Variants in HIP1R observed in about 807,000 individuals in gnomAD.
HIP1R encodes the protein huntingtin-interacting protein 1-related protein.
A neutral mutation model predicts 144.2 loss-of-function variants in HIP1R; 135 were observed. The ratio of observed to expected loss-of-function variants is 0.94; its 90% CI spans 0.81 to 1.08. The LOEUF (loss-of-function observed/expected upper bound fraction) is 1.08, where lower values mean the gene tolerates loss of function less well. HIP1R is among the 50% of genes least tolerant of loss of function. The pLI, the probability that HIP1R is intolerant of heterozygous loss-of-function variation, is 0.00. For missense variants in HIP1R, 1,462 were observed against 1,432.8 expected (o/e 1.02, Z -0.33); for synonymous variants, 698 against 612.8 (o/e 1.14, Z -2.05).
chr12:122,856,589 A>T lies in HIP1R; in HGVS notation c.1519-36A>T, dbSNP rs778204444. On this transcript the variant is annotated intron_variant, in intron 16 of 31. Coordinates refer to ENST00000253083, the MANE Select transcript of HIP1R (RefSeq NM_003959.3). ...CACAGGGCCCTGCCCCGGCATCCCC[A>T]GCCCACTGCCCCAGTGACACGCTGT... 1.9e-6 allele frequency: 3 copies of T among 1,598,592 alleles called. No individual in the cohort carries two copies. In the South Asian group the frequency reaches 3.4e-5, roughly 18 times the overall value.
chr12:122,850,991 C>A, intron 6 of HIP1R, 80 bp downstream of exon 6: 3 of 1,263,278 alleles, frequency 2.4e-6, no homozygotes, highest in Non-Finnish European at 3.4e-6. Flanking sequence ...GCCCAGGCGT[C>A]CGCATGGGGC....
Position 122,859,605 on chromosome 12 carries a change from TG to T in HIP1R, c.2406+72del, listed in dbSNP as rs1158287065. On this transcript the variant is annotated intron_variant, in intron 23 of 31. Coordinates refer to ENST00000253083, the MANE Select transcript of HIP1R (RefSeq NM_003959.3). ...TGGGGGCCGGAGGCCCCAACTGGGC[TG>T]GGTACAGGCTGCACCCACTCCTGCT... 7.7e-6 allele frequency: 11 copies of T among 1,421,794 alleles called. No homozygotes were observed. The East Asian group carries it at 2.3e-4, about 30-fold the overall frequency. 88.1% of individuals were successfully genotyped at this position (1,421,794 alleles called of 1,614,324 possible). A position where few individuals can be genotyped will look rare whatever the true frequency, so the allele number is the denominator to read the frequency against.
intron 1 of HIP1R, among the ~76,000 whole-genome samples, chr12:122,847,104 C>T (rs2033230500): frequency 1.3e-5 from 2 of 152,360 alleles, no homozygotes; most frequent in African/African-American, 4.8e-5. Context: ...CCCTCCCGCC[C>T]ATGGCCTGGA....
At chr12:122,834,793 GTCTC>G, upstream of HIP1R, 1 of 443,952 alleles carries the variant, frequency 2.3e-6, no homozygotes, top group Non-Finnish European at 3.9e-6. Context: ...AGCCGGCGGC[GTCTC>G]TGGAAATGCA....
chr12:122,841,201 C>T (rs970029253), intron 1 of HIP1R, among the ~76,000 whole-genome samples: 2 of 152,188 alleles, frequency 1.3e-5, no homozygotes, highest in African/African-American at 4.8e-5. Context: ...CACCCGCTGC[C>T]GTCCTCCTGC....
chr12:122,849,240 C>T (rs915063299), intron 4 of HIP1R, among the ~76,000 whole-genome samples: 4 of 152,268 alleles, frequency 2.6e-5, no homozygotes, highest in Non-Finnish European at 5.9e-5. Context: ...ACAGTAAGGC[C>T]TGAGAGCCCT....
Position 122,849,926 on chromosome 12 carries a change from C to A in HIP1R, c.409C>A (p.Leu137Met). The A allele has an allele frequency of 6.2e-7, 1 of 1,613,666 alleles. No homozygotes were observed. Among genetic ancestry groups the A allele is most frequent in the Non-Finnish European group, 8.5e-7 (1 of 1,179,920 alleles). Residue 137 changes from leucine to methionine, a missense_variant, in exon 5 of 32, where the codon CTG becomes ATG. Leu to Met is a conservative substitution (Grantham distance 15). Around this residue, in one of 2 missense-constraint regions of HIP1R, gnomAD observed 350 missense variants for 421.1 expected, o/e 0.83. Transcript: ENST00000253083. ...GCTGGTGAATGTCTACACCAAGCTG[C>A]TGCTGACCAAGATCTCCTTCCACCT... ...GQLVNVYTKL[L>M]LTKISFHLKH...
In HIP1R at chr12:122,840,784, G is replaced by C. The variant is rs1181242525; in HGVS notation, c.93+5141G>C. Among the ~76,000 whole-genome samples, 3 of 152,208 alleles carry C rather than the reference G, an allele frequency of 2.0e-5. No individual in the cohort carries two copies. The highest frequency in any genetic ancestry group is 2.9e-5 in the Non-Finnish European group (2 of 68,044). ...CTTCCCTGGAAGAGTGAGCCCAGAG[G>C]TGCCACATTATGAAGGCTCTCCAGG... On this transcript the variant is annotated intron_variant, in intron 1 of 31. Coordinates refer to ENST00000253083, the MANE Select transcript of HIP1R (RefSeq NM_003959.3). The surrounding 1 kb of genome is among the most constrained non-coding windows in gnomAD (Gnocchi z 4.2).
chr12:122,837,214 C>T (rs916401196), intron 1 of HIP1R, among the ~76,000 whole-genome samples: 13 of 151,954 alleles, frequency 8.6e-5, no homozygotes, highest in African/African-American at 3.1e-4. Flanking sequence ...TGATCTTACT[C>T]TTAAATGATA....
rs1042502608 is a variant in HIP1R, at chr12:122,862,022, G to A, written c.*269G>A. 1 of 467,002 alleles carries A rather than the reference G, an allele frequency of 2.1e-6. No individual in the cohort carries two copies. The allele number at this position is 467,002 out of a possible 1,614,324, so 28.9% of individuals were successfully genotyped here. On this transcript the variant is annotated 3_prime_UTR_variant, in exon 32 of 32. Transcript: ENST00000253083. Reference sequence around the variant, plus strand: ...GGTAGGCCTGAGCCTCAACTCTTCAGAAAATAGTGTTTTTAATATTCCTCT... The same window carrying A: ...GGTAGGCCTGAGCCTCAACTCTTCAAAAAATAGTGTTTTTAATATTCCTCT...
At chr12:122,847,311 G>A (rs75550241) in intron 1 of HIP1R, among the ~76,000 whole-genome samples, 1 of 151,606 alleles carries the variant, frequency 6.6e-6, no homozygotes, top group African/African-American at 2.4e-5. Flanking sequence ...GGCGGGGGGG[G>A]AGGGGTGAGA....
In HIP1R at chr12:122,848,888, G is replaced by A. The variant is rs2033291887; in HGVS notation, c.357+36G>A. On this transcript the variant is annotated intron_variant, in intron 4 of 31. Coordinates refer to ENST00000253083, the MANE Select transcript of HIP1R (RefSeq NM_003959.3). ...CCATTCTAGGTCCTGCCTGGCATTC[G>A]GGGCTTTCCTGAGCGTGTGGGGCTG... is the stretch of plus-strand genomic sequence containing the variant. 10 of 1,606,620 alleles carry A rather than the reference G, an allele frequency of 6.2e-6. 1 individual carries two copies. The highest frequency in any genetic ancestry group is 4.0e-5 in the African/African-American group (3 of 74,802).
chr12:122,842,688 A>C (rs1473598968), intron 1 of HIP1R, among the ~76,000 whole-genome samples: 1 of 152,184 alleles, frequency 6.6e-6, no homozygotes, highest in South Asian at 2.1e-4. Flanking sequence ...CTTTGCTGAC[A>C]GTGCCCATTC....
intron 29 of HIP1R, 23 bp from the exon 30 acceptor site, chr12:122,861,108 A>C (rs1593893245): frequency 1.2e-6 from 2 of 1,612,658 alleles, no homozygotes; most frequent in Non-Finnish European, 8.5e-7. Flanking sequence ...CCAGATGTTC[A>C]CCCCCTTGTC....
rs372429407 is a variant in HIP1R at position 122,855,577 on chromosome 12, G to A, written c.1020G>A (p.Thr340=). Residue 340 remains threonine, a synonymous_variant, in exon 12 of 32, where the codon ACG becomes ACA. Transcript: ENST00000253083. The part of the protein sequence containing the change: ...PVVVADLFDQ[T]FGPPNGSVKD... ...TGGTGGCTGACCTCTTCGATCAGACGTTTGGACCCCCCAATGGGTCTGTGA... is the reference window on the plus strand; with the variant it reads ...TGGTGGCTGACCTCTTCGATCAGACATTTGGACCCCCCAATGGGTCTGTGA... The A allele has an allele frequency of 7.1e-6, 11 of 1,549,588 alleles. No homozygotes were observed. The highest frequency in any genetic ancestry group is 1.4e-5 in the African/African-American group (1 of 72,990).
chr12:122,855,383 GGCCCCCC>G lies in HIP1R; in HGVS notation c.974_980del (p.Pro325ArgfsTer22). 1.3e-6 allele frequency: 2 copies of G among 1,577,006 alleles called. No homozygotes were observed. Among genetic ancestry groups the G allele is most frequent in the Non-Finnish European group, 1.7e-6 (2 of 1,162,926 alleles). On this transcript the variant is annotated frameshift_variant, in exon 11 of 32. Transcript: ENST00000253083. LOFTEE classifies it high-confidence loss of function. ...GAGAATCTCATTGAGATCAGCACAG[GGCCCCCC>G]GCGGGGGAGCCAGTGGTGAGCCCCC...
In HIP1R at chr12:122,840,932, A is replaced by C. The variant is rs372869371; in HGVS notation, c.93+5289A>C. Among the ~76,000 whole-genome samples the C allele has an allele frequency of 1.5e-3, 229 of 152,266 alleles. No individual in the cohort carries two copies. The highest frequency in any genetic ancestry group is 5.4e-3 in the African/African-American group (224 of 41,542). ...AGGCGCAGACGAGGCCCCTTCTCTG[A>C]CCTGATCCAGAAGCCAGCCTCCCAG... is the stretch of plus-strand genomic sequence containing the variant. On this transcript the variant is annotated intron_variant, in intron 1 of 31. Coordinates refer to ENST00000253083, the MANE Select transcript of HIP1R (RefSeq NM_003959.3). This position sits in a 1 kb window ranked among gnomAD's most constrained non-coding sequence, Gnocchi z 4.2.
At chr12:122,844,040 T>A (rs1314038078) in intron 1 of HIP1R, among the ~76,000 whole-genome samples, 1 of 152,148 alleles carries the variant, frequency 6.6e-6, no homozygotes, top group African/African-American at 2.4e-5. Context: ...AGTTTCGCCA[T>A]GTTGGCCAGG....
chr12:122,835,664 G>GGGC (rs2032865201), intron 1 of HIP1R, 21 bp downstream of exon 1: 1 of 1,105,282 alleles, frequency 9.0e-7, no homozygotes, highest in Admixed American at 5.1e-5. Context: ...GGCGGGCGGC[G>GGGC]GGCGGCGGGC....
Sources: gnomAD v4.1 joint callset for allele counts (sites outside exome capture counted in the v4.1 genomes callset) on GRCh38, gnomAD v4.1.1 for gene constraint, gnomAD v4.1.1 regional missense constraint, Gnocchi (gnomAD v3.1) non-coding constraint, MANE v1.5 for transcripts, NCBI Gene and HGNC (gene_info 2026-07-23, HGNC 2026-07-21) for gene names.